VAV3: variants seen among roughly 807,000 people sequenced by gnomAD.
VAV3 encodes the protein vav guanine nucleotide exchange factor 3.
A neutral mutation model predicts 131.2 loss-of-function variants in VAV3; 94 were observed. That is an observed-to-expected ratio of 0.72 (90% CI 0.61 to 0.85). The LOEUF (loss-of-function observed/expected upper bound fraction) is 0.85, where lower values mean the gene tolerates loss of function less well. Among genes scored for constraint, VAV3 ranks in the 40% least tolerant of loss-of-function variants. The probability of loss-of-function intolerance (pLI) is 0.00; values close to 1 mark genes in which losing one functional copy is unlikely to be tolerated. For missense variants in VAV3, 939 were observed against 1,002.7 expected, an observed-to-expected ratio of 0.94 and a Z score of 0.86; for synonymous variants, 349 against 342.0, an observed-to-expected ratio of 1.02 and a Z score of -0.22.
intron 2 of VAV3, among the ~76,000 whole-genome samples, chr1:107,799,281 T>C (rs546341539): frequency 6.5e-4 from 99 of 151,866 alleles, no homozygotes; most frequent in Non-Finnish European, 1.2e-3. Context: ...GTTTCTTTAT[T>C]TGCCTTTTCT....
intron 15 of VAV3, among the ~76,000 whole-genome samples, chr1:107,708,698 C>T (rs1415006668): frequency 6.6e-6 from 1 of 152,116 alleles, no homozygotes; most frequent in African/African-American, 2.4e-5. Context: ...ATACAAAACT[C>T]AACTTCCATG....
chr1:107,750,817 G>C (rs1466502722), intron 13 of VAV3, among the ~76,000 whole-genome samples: 1 of 152,054 alleles, frequency 6.6e-6, no homozygotes, highest in East Asian at 1.9e-4. Flanking sequence ...ATTCAATTAT[G>C]TTTTTATGGT....
chr1:107,857,370 G>A (rs1208460002), intron 2 of VAV3, among the ~76,000 whole-genome samples: 1 of 152,082 alleles, frequency 6.6e-6, no homozygotes, highest in Non-Finnish European at 1.5e-5. Context: ...AGCCTATTGT[G>A]GGACCTTGTG....
intron 15 of VAV3, among the ~76,000 whole-genome samples, chr1:107,742,721 A>G (rs1663094682): frequency 6.6e-6 from 1 of 152,190 alleles, no homozygotes; most frequent in Non-Finnish European, 1.5e-5. Context: ...TCCAATAAAC[A>G]AAACAGAATC....
chr1:107,835,938 G>A (rs1293281254), intron 2 of VAV3, among the ~76,000 whole-genome samples: 1 of 152,200 alleles, frequency 6.6e-6, no homozygotes, highest in Non-Finnish European at 1.5e-5. Flanking sequence ...AAGGGAAGGG[G>A]AAGCACAGCC....
chr1:107,616,683 G>T (rs920213481), intron 21 of VAV3, among the ~76,000 whole-genome samples: 3 of 152,188 alleles, frequency 2.0e-5, no homozygotes, highest in Admixed American at 6.5e-5. Context: ...AAGCTTGAAT[G>T]AGTGGAGTAA....
chr1:107,718,365 G>C (rs955087182), intron 15 of VAV3, among the ~76,000 whole-genome samples: 1 of 152,094 alleles, frequency 6.6e-6, no homozygotes, highest in African/African-American at 2.4e-5. Context: ...AAAGTCTCAG[G>C]ATACAAAATC....
At chr1:107,938,072 T>G (rs1040439708) in intron 1 of VAV3, among the ~76,000 whole-genome samples, 8 of 152,170 alleles carry the variant, frequency 5.3e-5, no homozygotes, top group African/African-American at 1.7e-4. Context: ...ATGCCTGGCA[T>G]GGAATCAAGC....
chr1:107,954,446 T>C (rs1674700370), intron 1 of VAV3, among the ~76,000 whole-genome samples: 2 of 152,150 alleles, frequency 1.3e-5, no homozygotes, highest in African/African-American at 4.8e-5. Flanking sequence ...TTTCCCATTA[T>C]ATACCTGTCA....
At chr1:107,575,005 G>A (rs7552787) in intron 25 of VAV3, among the ~76,000 whole-genome samples, 1,186 of 39,500 alleles carry the variant, frequency 0.03, 27 homozygotes, top group African/African-American at 0.094. Flanking sequence ...GTGCGTGCGC[G>A]CGCGCGCGCG....
chr1:107,848,462 C>A (rs1669073918), intron 2 of VAV3, among the ~76,000 whole-genome samples: 2 of 152,050 alleles, frequency 1.3e-5, no homozygotes, highest in Non-Finnish European at 2.9e-5. Context: ...TAAACAGAAC[C>A]AATGACAAAA....
intron 24 of VAV3, among the ~76,000 whole-genome samples, chr1:107,599,089 C>T (rs1463365155): frequency 2.0e-5 from 3 of 151,978 alleles, no homozygotes; most frequent in Non-Finnish European, 4.4e-5. Context: ...TAATACTCGC[C>T]CACCCCCAAA....
At chr1:107,857,031 GGT>G (rs1669506072) in intron 2 of VAV3, among the ~76,000 whole-genome samples, 1 of 150,220 alleles carries the variant, frequency 6.7e-6, no homozygotes, top group Admixed American at 6.6e-5. Flanking sequence ...ATGGTGTGAT[GGT>G]TAATACTGAA....
At chr1:107,701,595 T>C (rs1660136007) in intron 17 of VAV3, among the ~76,000 whole-genome samples, 1 of 152,220 alleles carries the variant, frequency 6.6e-6, no homozygotes, top group African/African-American at 2.4e-5. Context: ...GCAGCAAGCT[T>C]GAAATTCTCC....
chr1:107,600,917 T>C (rs1263289342), intron 24 of VAV3, among the ~76,000 whole-genome samples: 1 of 152,228 alleles, frequency 6.6e-6, no homozygotes, highest in African/African-American at 2.4e-5. Flanking sequence ...CAGTTATCTT[T>C]GGCTCTGCAG....
chr1:107,838,212 C>T (rs1366852724), intron 2 of VAV3, among the ~76,000 whole-genome samples: 2 of 151,954 alleles, frequency 1.3e-5, no homozygotes, highest in African/African-American at 4.8e-5. Context: ...ACTATGCATC[C>T]GACAAAGCTC....
intron 15 of VAV3, among the ~76,000 whole-genome samples, chr1:107,713,121 C>T (rs1465214659): frequency 6.6e-6 from 1 of 152,036 alleles, no homozygotes; most frequent in African/African-American, 2.4e-5. Flanking sequence ...TATGATGTGC[C>T]ATGAATACAG....
chr1:107,705,737 T>C (rs183354127), intron 15 of VAV3, among the ~76,000 whole-genome samples: 88 of 152,284 alleles, frequency 5.8e-4, no homozygotes, highest in Admixed American at 3.2e-3. Flanking sequence ...CCATATGACA[T>C]TCATTTCTTC....
intron 15 of VAV3, among the ~76,000 whole-genome samples, chr1:107,715,285 GTACT>G (rs577014735): frequency 8.1e-4 from 124 of 152,162 alleles, no homozygotes; most frequent in African/African-American, 2.9e-3. Flanking sequence ...TAAATAAATA[GTACT>G]TACTAAATGA....
Sources: gnomAD v4.1 joint callset for allele counts (sites outside exome capture counted in the v4.1 genomes callset) on GRCh38, gnomAD v4.1.1 for gene constraint, MANE v1.5 for transcripts, NCBI Gene and HGNC (gene_info 2026-07-23, HGNC 2026-07-21) for gene names.